The following RNPS1 variants were observed in gnomAD, a reference collection of about 807,000 sequenced individuals.
RNPS1 encodes RNA-binding protein with serine-rich domain 1.
For missense variants in RNPS1, 300 were observed against 427.6 expected (o/e 0.70, Z 2.63); for synonymous variants, 147 against 150.0 (o/e 0.98, Z 0.15).
intron 1 of RNPS1, chr16:2,266,128 G>C (rs1260680601): frequency 2.0e-6 from 2 of 985,308 alleles, no homozygotes; most frequent in South Asian, 4.7e-5. Context: ...AGAGCCAGTT[G>C]GTAAGGAGGA....
At chr16:2,264,102 C>G in intron 3 of RNPS1, 74 bp downstream of exon 3, 1 of 1,546,878 alleles carries the variant, frequency 6.5e-7, no homozygotes, top group Non-Finnish European at 8.8e-7. Context: ...ATCAAGAAAA[C>G]CGAGCCATCT....
chr16:2,258,295 G>A (rs2093587485), intron 6 of RNPS1: 1 of 152,178 alleles, frequency 6.6e-6, no homozygotes, highest in South Asian at 2.1e-4. Context: ...GCTTTTAACA[G>A]ATTGGAAACT....
intron 6 of RNPS1, among the ~76,000 whole-genome samples, chr16:2,262,003 T>C (rs1193108366): frequency 6.6e-6 from 1 of 152,214 alleles, no homozygotes; most frequent in Non-Finnish European, 1.5e-5. Flanking sequence ...TAATTTTAAG[T>C]TGGTCTGGCA....
intron 6 of RNPS1, chr16:2,256,453 G>T (rs2093578722): frequency 6.6e-6 from 1 of 152,562 alleles, no homozygotes; most frequent in African/African-American, 2.4e-5. Context: ...AGCTACTCGG[G>T]AGGCTGAGGC....
At chr16:2,259,317 G>A (rs1340266711) in intron 6 of RNPS1, among the ~76,000 whole-genome samples, 1 of 152,042 alleles carries the variant, frequency 6.6e-6, no homozygotes, top group Non-Finnish European at 1.5e-5. Context: ...TCCTACAATT[G>A]CAATATATCC....
intron 7 of RNPS1, among the ~76,000 whole-genome samples, chr16:2,255,246 T>C (rs1476929901): frequency 6.6e-6 from 1 of 152,184 alleles, no homozygotes; most frequent in Non-Finnish European, 1.5e-5. Flanking sequence ...CCACAACTCT[T>C]CTGACCCCCA....
Position 2,264,255 on chromosome 16 carries a change from T to C in RNPS1, c.148A>G (p.Lys50Glu). The C allele has an allele frequency of 6.2e-7, 1 of 1,614,218 alleles. No individual in the cohort carries two copies. Among genetic ancestry groups the C allele is most frequent in the South Asian group, 1.1e-5 (1 of 91,090 alleles). ...KDRSKDKGAT[K>E]ESSEKDRGRD... ...CCGCGATCCTTCTCACTCGACTCCT[T>C]GGTGGCCCCTTTATCTTTTGAGCGA... Residue 50 changes from lysine to glutamate, a missense_variant, in exon 3 of 8, where the codon AAG becomes GAG. Coordinates refer to ENST00000320225, the MANE Select transcript of RNPS1 (RefSeq NM_080594.4).
At chr16:2,266,095 C>T in intron 1 of RNPS1, 1 of 984,896 alleles carries the variant, frequency 1.0e-6, no homozygotes, top group Non-Finnish European at 1.2e-6. Flanking sequence ...GGAGTCTCAG[C>T]TACTTCTGTC....
chr16:2,253,726 C>G lies in RNPS1; in HGVS notation c.*238G>C. 1.6e-6 allele frequency: 1 copy of G among 632,368 alleles called. No homozygotes were observed. The highest frequency in any genetic ancestry group is 1.8e-5 in the South Asian group (1 of 56,750). 39.2% of individuals were successfully genotyped at this position (632,368 alleles called of 1,614,324 possible). On this transcript the variant is annotated 3_prime_UTR_variant, in exon 8 of 8. Coordinates refer to ENST00000320225, the MANE Select transcript of RNPS1 (RefSeq NM_080594.4). Reference sequence around the variant, plus strand: ...TGCCACTGAACTGACTCTTAGAAACCGGAAACGGATGAGCTTTCTAGCCAG... The same window carrying G: ...TGCCACTGAACTGACTCTTAGAAACGGGAAACGGATGAGCTTTCTAGCCAG...
At chr16:2,263,335 G>T in intron 3 of RNPS1, 48 bp from the exon 4 acceptor site, 1 of 1,583,172 alleles carries the variant, frequency 6.3e-7, no homozygotes, top group Non-Finnish European at 8.7e-7. Flanking sequence ...AAGTCTCACA[G>T]TACAGACGCC....
chr16:2,266,550 G>A, intron 1 of RNPS1: 1 of 973,432 alleles, frequency 1.0e-6, no homozygotes, highest in Non-Finnish European at 1.2e-6. Flanking sequence ...GTTACCCAGG[G>A]CATTAATTAA....
At chr16:2,267,108 G>A (rs540501764) in intron 1 of RNPS1, 3 of 847,864 alleles carry the variant, frequency 3.5e-6, no homozygotes, top group East Asian at 2.5e-4. Context: ...AAGAACCACT[G>A]AGTAAGCGGA....
chr16:2,263,982 G>T (rs1004958822), intron 3 of RNPS1, 194 bp downstream of exon 3: 23 of 577,354 alleles, frequency 4.0e-5, no homozygotes, highest in Middle Eastern at 4.7e-4. Context: ...CTCCTGCCTC[G>T]GCCTCCCAAA....
intron 1 of RNPS1, 144 bp from the exon 2 acceptor site, chr16:2,264,904 A>AC: frequency 3.6e-6 from 2 of 556,080 alleles, no homozygotes; most frequent in South Asian, 2.4e-5. Flanking sequence ...ACACATAGGG[A>AC]CAGTCCCCAT....
chr16:2,267,650 C>A, intron 1 of RNPS1: 1 of 1,105,588 alleles, frequency 9.0e-7, no homozygotes. Context: ...GCTACCCGTC[C>A]GCGTTCACTC....
Position 2,262,831 on chromosome 16 carries a change from G to A in RNPS1, c.431C>T (p.Pro144Leu), listed in dbSNP as rs2093608675. 1 of 1,613,716 alleles carries A rather than the reference G, an allele frequency of 6.2e-7. No individual in the cohort carries two copies. The highest frequency in any genetic ancestry group is 8.5e-7 in the Non-Finnish European group (1 of 1,179,918). The stretch of plus-strand genomic sequence containing the variant: ...TTTCCTCTCCTTTTCATCTCTTTTA[G>A]GTGGTTTGGATCTGATTGAGAAAAC... ...RRRSRSKSKP[P>L]KRDEKERKRR... The change falls in exon 5 of 8, where the codon CCT (proline) becomes CTT (leucine). Residue 144 changes from proline to leucine, a missense_variant. Physicochemically the swap from Pro to Leu is moderately conservative, Grantham distance 98 (BLOSUM62 -3). Transcript: ENST00000320225.
Position 2,262,438 on chromosome 16 carries a change from G to T in RNPS1, c.523-7C>A, listed in dbSNP as rs201270288. 6.2e-7 allele frequency: 1 copy of T among 1,613,712 alleles called. No homozygotes were observed. Among genetic ancestry groups the T allele is most frequent in the Non-Finnish European group, 8.5e-7 (1 of 1,179,956 alleles). ...ATATCTCCATGATGTGATCCTAGAG[G>T]GAAAGAAGGGTCACGCCAACGCCCA... On this transcript the variant is annotated splice_polypyrimidine_tract_variant and splice_region_variant and intron_variant, in intron 5 of 7. Transcript: ENST00000320225.
At chr16:2,261,920 T>C (rs1287624585) in intron 6 of RNPS1, among the ~76,000 whole-genome samples, 1 of 152,266 alleles carries the variant, frequency 6.6e-6, no homozygotes, top group Non-Finnish European at 1.5e-5. Flanking sequence ...GTCAGTAACT[T>C]ATGTCTTTAC....
At chr16:2,259,542 T>C (rs1376359976) in intron 6 of RNPS1, among the ~76,000 whole-genome samples, 1 of 152,234 alleles carries the variant, frequency 6.6e-6, no homozygotes, top group Non-Finnish European at 1.5e-5. Flanking sequence ...AGATTTCTAA[T>C]AACTTTGCAG....
Sources: gnomAD v4.1 joint callset for allele counts (sites outside exome capture counted in the v4.1 genomes callset) on GRCh38, gnomAD v4.1.1 for gene constraint, MANE v1.5 for transcripts, NCBI Gene and HGNC (gene_info 2026-07-23, HGNC 2026-07-21) for gene names.